Variants in SHANK2 observed in about 807,000 individuals in gnomAD.
The protein encoded by SHANK2 is SH3 and multiple ankyrin repeat domains 2.
A neutral mutation model predicts 133.7 loss-of-function variants in SHANK2; 43 were observed. The ratio of observed to expected loss-of-function variants is 0.32; its 90% CI spans 0.25 to 0.41. The LOEUF (loss-of-function observed/expected upper bound fraction) is 0.41. Among genes scored for constraint, SHANK2 ranks in the 10% least tolerant of loss-of-function variants. The probability of loss-of-function intolerance (pLI) is 1.00; values close to 1 mark genes in which losing one functional copy is unlikely to be tolerated. For missense variants in SHANK2, 1,994 were observed against 2,235.8 expected (o/e 0.89, Z 2.18); for synonymous variants, 1,017 against 952.8 (o/e 1.07, Z -1.24).
At chr11:70,873,127 T>A in intron 11 of SHANK2, 1 of 471,136 alleles carries the variant, frequency 2.1e-6, no homozygotes, top group South Asian at 1.5e-5. Context: ...TAGAATGATA[T>A]GTTTGTGGTT....
At chr11:70,828,960 C>T (rs1048000472) in intron 11 of SHANK2, among the ~76,000 whole-genome samples, 4 of 152,260 alleles carry the variant, frequency 2.6e-5, no homozygotes, top group South Asian at 2.1e-4. Context: ...GCTGCCTCTG[C>T]GGCCTGCCAT....
chr11:70,877,006 C>A (rs554798360), intron 11 of SHANK2, among the ~76,000 whole-genome samples: 1 of 152,354 alleles, frequency 6.6e-6, no homozygotes, highest in Non-Finnish European at 1.5e-5. Context: ...ACAGCTGGAA[C>A]ACACACATGG....
chr11:70,626,855 T>A (rs1461897436), intron 17 of SHANK2, among the ~76,000 whole-genome samples: 2 of 152,142 alleles, frequency 1.3e-5, no homozygotes, highest in Non-Finnish European at 2.9e-5. Flanking sequence ...CCAAGCCACA[T>A]CATGACACTC....
At chr11:70,592,742 G>A (rs375458538) in intron 17 of SHANK2, among the ~76,000 whole-genome samples, 9 of 152,100 alleles carry the variant, frequency 5.9e-5, no homozygotes, top group African/African-American at 9.7e-5. Context: ...CAGTGGCTGC[G>A]TCTGCCCTTT....
intron 2 of SHANK2, among the ~76,000 whole-genome samples, chr11:71,213,690 C>T (rs1207490993): frequency 4.6e-5 from 7 of 152,204 alleles, no homozygotes; most frequent in African/African-American, 7.2e-5. Context: ...ACCTGAGCAC[C>T]GGGCTGATCT....
rs1038098016 is a variant in SHANK2, at chr11:71,187,330, G to C, written c.-13+37367C>G. On this transcript the variant is annotated intron_variant, in intron 2 of 25. Coordinates refer to ENST00000601538, the MANE Select transcript of SHANK2 (RefSeq NM_012309.5). ...GTTTTATTCAGGGACAGTTCTTCACGGGTTTCTCATGTTTTGTTTGGGGAC... is the reference window on the plus strand; with the variant it reads ...GTTTTATTCAGGGACAGTTCTTCACCGGTTTCTCATGTTTTGTTTGGGGAC... Among the ~76,000 whole-genome samples, 26 of 152,134 alleles carry C rather than the reference G, an allele frequency of 1.7e-4. No homozygotes were observed. In the East Asian group the frequency reaches 3.9e-3, roughly 23 times the overall value.
chr11:70,824,293 A>G (rs1332881614), intron 11 of SHANK2, among the ~76,000 whole-genome samples: 5 of 152,078 alleles, frequency 3.3e-5, no homozygotes, highest in Admixed American at 3.3e-4. Context: ...GACTTGACAC[A>G]CTTGGACGTC....
chr11:70,589,014 T>C (rs1192103392), intron 17 of SHANK2, among the ~76,000 whole-genome samples: 1 of 152,220 alleles, frequency 6.6e-6, no homozygotes, highest in Non-Finnish European at 1.5e-5. Flanking sequence ...AGACGGGGTT[T>C]CACTGTGTTA....
chr11:71,141,688 A>T (rs1418821323), intron 3 of SHANK2, among the ~76,000 whole-genome samples: 1 of 152,138 alleles, frequency 6.6e-6, no homozygotes, highest in Non-Finnish European at 1.5e-5. Context: ...GGCTAATACA[A>T]TGTCTCAGGA....
intron 17 of SHANK2, among the ~76,000 whole-genome samples, chr11:70,649,829 T>C (rs543241645): frequency 6.6e-6 from 1 of 152,338 alleles, no homozygotes; most frequent in African/African-American, 2.4e-5. Flanking sequence ...TACATCCCAA[T>C]GATCTGGGAC....
intron 1 of SHANK2, among the ~76,000 whole-genome samples, chr11:71,251,922 C>T (rs562330395): frequency 5.1e-4 from 78 of 152,024 alleles, no homozygotes; most frequent in African/African-American, 1.5e-3. Flanking sequence ...CGGGTCTCCG[C>T]CCCCGCGCGC....
intron 9 of SHANK2, among the ~76,000 whole-genome samples, chr11:71,073,505 T>G (rs1951177320): frequency 6.6e-6 from 1 of 151,714 alleles, no homozygotes; most frequent in Admixed American, 6.6e-5. Context: ...TTTGCTCTGT[T>G]ACCTAGGCTG....
chr11:71,248,314 A>G (rs778766075), intron 1 of SHANK2, among the ~76,000 whole-genome samples: 21 of 152,248 alleles, frequency 1.4e-4, no homozygotes, highest in Non-Finnish European at 2.4e-4. Context: ...AAGTATGATG[A>G]GAAACTGGTT....
intron 17 of SHANK2, among the ~76,000 whole-genome samples, chr11:70,632,278 C>A (rs557646046): frequency 2.0e-5 from 3 of 152,076 alleles, no homozygotes; most frequent in Non-Finnish European, 4.4e-5. Context: ...CCCACCATCA[C>A]GCCCGGCTAA....
chr11:71,063,680 T>C (rs1951014020), intron 9 of SHANK2, among the ~76,000 whole-genome samples: 1 of 152,250 alleles, frequency 6.6e-6, no homozygotes, highest in South Asian at 2.1e-4. Flanking sequence ...CCTGGATTCC[T>C]TTCAGAGGTG....
chr11:70,785,025 C>A (rs1374987885), intron 14 of SHANK2, among the ~76,000 whole-genome samples: 1 of 152,222 alleles, frequency 6.6e-6, no homozygotes. Flanking sequence ...GGAGGGCCAT[C>A]TGCAGTGGGT....
intron 2 of SHANK2, among the ~76,000 whole-genome samples, chr11:71,160,528 C>T (rs1195508375): frequency 6.6e-6 from 1 of 152,190 alleles, no homozygotes; most frequent in Non-Finnish European, 1.5e-5. Flanking sequence ...CATGTGTGGA[C>T]ACAGTCAGAA....
intron 3 of SHANK2, among the ~76,000 whole-genome samples, chr11:71,139,705 G>A (rs1232599698): frequency 2.6e-5 from 4 of 152,164 alleles, no homozygotes; most frequent in Admixed American, 6.5e-5. Context: ...TTGAGAGGAT[G>A]CAGAGAGGCT....
intron 17 of SHANK2, among the ~76,000 whole-genome samples, chr11:70,637,268 G>A (rs771290609): frequency 2.6e-5 from 4 of 152,176 alleles, no homozygotes; most frequent in Non-Finnish European, 5.9e-5. Context: ...CTCAGGCTCT[G>A]TGAGGGCAGG....
Sources: allele counts gnomAD v4.1 joint callset (sites outside exome capture counted in the v4.1 genomes callset), GRCh38; gene constraint gnomAD v4.1.1; transcripts MANE v1.5; gene names NCBI Gene and HGNC (gene_info 2026-07-23, HGNC 2026-07-21).